The following PCGF5 variants were observed in gnomAD, a reference collection of about 807,000 sequenced individuals.
PCGF5 encodes the protein polycomb group RING finger protein 5.
In PCGF5, 9 loss-of-function variants were observed where a neutral mutation model predicts 44.3. The observed-to-expected ratio is 0.20, with a 90% CI of 0.12 to 0.35. The LOEUF (loss-of-function observed/expected upper bound fraction) is 0.35, where lower values mean the gene tolerates loss of function less well. Ranked by LOEUF, PCGF5 falls within the 10% of genes least tolerant of loss-of-function variation. The probability of loss-of-function intolerance (pLI) is 1.00; values close to 1 mark genes in which losing one functional copy is unlikely to be tolerated. For missense variants in PCGF5, 146 were observed against 305.3 expected (o/e 0.48, Z 3.89); for synonymous variants, 95 against 102.5 (o/e 0.93, Z 0.44).
intron 2 of PCGF5, among the ~76,000 whole-genome samples, chr10:91,234,775 C>A (rs1178717674): frequency 6.6e-6 from 1 of 152,126 alleles, no homozygotes; most frequent in East Asian, 1.9e-4. Context: ...CTCACAAGAA[C>A]CCTGTGAGAT....
intron 9 of PCGF5, among the ~76,000 whole-genome samples, chr10:91,275,438 A>G (rs1411139291): frequency 7.0e-6 from 1 of 143,824 alleles, no homozygotes. Context: ...AAATAAAACT[A>G]CATTTTATTT....
chr10:91,171,469 A>G (rs949594978), intron 1 of PCGF5, among the ~76,000 whole-genome samples: 1 of 152,192 alleles, frequency 6.6e-6, no homozygotes, highest in Non-Finnish European at 1.5e-5. Context: ...GCCTTAGCCT[A>G]GTGATAGGAT....
chr10:91,236,850 C>G (rs1332065366), intron 2 of PCGF5, among the ~76,000 whole-genome samples: 1 of 152,132 alleles, frequency 6.6e-6, no homozygotes, highest in Non-Finnish European at 1.5e-5. Flanking sequence ...GGAGATGTAT[C>G]TTCTAGAGAT....
At chr10:91,165,900 T>C (rs1362477937) in intron 1 of PCGF5, among the ~76,000 whole-genome samples, 1 of 152,214 alleles carries the variant, frequency 6.6e-6, no homozygotes, top group East Asian at 1.9e-4. Flanking sequence ...AGCAATATTT[T>C]CAGGACTCAG....
chr10:91,275,799 T>C (rs1312379056), intron 9 of PCGF5, among the ~76,000 whole-genome samples: 1 of 152,106 alleles, frequency 6.6e-6, no homozygotes, highest in Non-Finnish European at 1.5e-5. Flanking sequence ...ATCAAAAAGC[T>C]CTTTAAAATA....
In PCGF5 at chr10:91,251,459, T is replaced by C; in HGVS notation, c.474+19T>C. The C allele has an allele frequency of 6.2e-7, 1 of 1,605,408 alleles. No homozygotes were observed. Among genetic ancestry groups the C allele is most frequent in the Non-Finnish European group, 8.5e-7 (1 of 1,174,638 alleles). ...AGTAAAGGTGAGTGAACAAGTACTA[T>C]GGTATTTTTATGATCAGTTTATAGT... On this transcript the variant is annotated intron_variant, in intron 6 of 9. Transcript: ENST00000336126.
intron 6 of PCGF5, among the ~76,000 whole-genome samples, chr10:91,256,853 T>C (rs1845764800): frequency 1.3e-5 from 2 of 151,108 alleles, no homozygotes; most frequent in Non-Finnish European, 2.9e-5. Context: ...TCTATAGCCT[T>C]CCAAAAGGAA....
intron 3 of PCGF5, among the ~76,000 whole-genome samples, chr10:91,246,970 GATAGATAGATA>G (rs1564648049): frequency 0.21 from 317 of 1,486 alleles, 1 homozygote; most frequent in African/African-American, 0.33. Flanking sequence ...TAGATGGATA[GATAGATAGATA>G]GATAGATAGA....
At chr10:91,157,731 A>G in the PCGF5 span, among the ~76,000 whole-genome samples, 1 of 152,332 alleles carries the variant, frequency 6.6e-6, no homozygotes, top group African/African-American at 2.4e-5. Context: ...ACAGTGGGAA[A>G]TTCACTTTTA....
chr10:91,251,098 T>A (rs10559652), intron 5 of PCGF5, among the ~76,000 whole-genome samples, 194 bp from the exon 6 acceptor site: 3 of 102,264 alleles, frequency 2.9e-5, no homozygotes, highest in African/African-American at 1.1e-4. Flanking sequence ...AAGTTTCCAA[T>A]TTTTTTTTTT....
rs965669790 is a variant in PCGF5 at position 91,283,248 on chromosome 10, C to G, written c.*4932C>G. The stretch of plus-strand genomic sequence containing the variant: ...TATTTTCAAATAAAATTAAAATGCT[C>G]GAGCACTTCCTTTCAGAAAGTTATA... On this transcript the variant is annotated 3_prime_UTR_variant, in exon 10 of 10. Transcript: ENST00000336126. 6.6e-6 allele frequency: 1 copy of G among 152,110 alleles called. No homozygotes were observed. The highest frequency in any genetic ancestry group is 2.4e-5 in the African/African-American group (1 of 41,416). The allele number at this position is 152,110 out of a possible 1,614,324, so 9.4% of individuals were successfully genotyped here. A position where few individuals can be genotyped will look rare whatever the true frequency, so the allele number is the denominator to read the frequency against.
intron 4 of PCGF5, 46 bp downstream of exon 4, chr10:91,248,606 TCAA>T (rs1216128355): frequency 6.2e-7 from 1 of 1,601,412 alleles, no homozygotes; most frequent in Non-Finnish European, 8.5e-7. Flanking sequence ...TTTTATGAAA[TCAA>T]CACTTCTATT....
Position 91,214,952 on chromosome 10 carries a change from G to A in PCGF5, c.-183-7737G>A, listed in dbSNP as rs539975600. ...GTCTTTCCTTTTCTAGTAGAAATGA[G>A]TGTTCTACTTAAAATTTCATACTTC... is the stretch of plus-strand genomic sequence containing the variant. On this transcript the variant is annotated intron_variant, in intron 1 of 9. Coordinates refer to the PCGF5 transcript ENST00000614189. Among the ~76,000 whole-genome samples, 6 of 152,310 alleles carry A rather than the reference G, an allele frequency of 3.9e-5. No individual in the cohort carries two copies. The South Asian group carries it at 6.2e-4, about 16-fold the overall frequency.
chr10:91,188,142 T>C (rs1166817444), intron 1 of PCGF5, among the ~76,000 whole-genome samples: 1 of 152,014 alleles, frequency 6.6e-6, no homozygotes. Context: ...AGAAGACGGG[T>C]GATTTCTGCA....
chr10:91,216,042 G>C (rs1249997416), upstream of PCGF5, among the ~76,000 whole-genome samples: 2 of 152,198 alleles, frequency 1.3e-5, no homozygotes, highest in Non-Finnish European at 2.9e-5. Flanking sequence ...ATAAATATTT[G>C]TTTGAACACT....
chr10:91,169,258 A>C (rs1843560024), intron 1 of PCGF5, among the ~76,000 whole-genome samples: 1 of 152,214 alleles, frequency 6.6e-6, no homozygotes, highest in South Asian at 2.1e-4. Flanking sequence ...ATCATGATGC[A>C]AATAAAGAAG....
chr10:91,239,031 G>A (rs1011877730), intron 2 of PCGF5, among the ~76,000 whole-genome samples: 2 of 152,010 alleles, frequency 1.3e-5, no homozygotes, highest in Non-Finnish European at 2.9e-5. Context: ...CTGCTCAAAT[G>A]TCACCAACTT....
intron 3 of PCGF5, among the ~76,000 whole-genome samples, chr10:91,241,340 A>G (rs1246052901): frequency 6.6e-6 from 1 of 152,132 alleles, no homozygotes; most frequent in African/African-American, 2.4e-5. Context: ...AAGTGCTGGG[A>G]TAAAGGTGTG....
intron 1 of PCGF5, among the ~76,000 whole-genome samples, chr10:91,178,711 A>G (rs1392397118): frequency 3.3e-5 from 5 of 151,978 alleles, no homozygotes; most frequent in Non-Finnish European, 7.4e-5. Context: ...TTTTAAACGT[A>G]GTAGTACACT....
Sources: gnomAD v4.1 joint callset for allele counts (sites outside exome capture counted in the v4.1 genomes callset) on GRCh38, gnomAD v4.1.1 for gene constraint, MANE v1.5 for transcripts, NCBI Gene and HGNC (gene_info 2026-07-23, HGNC 2026-07-21) for gene names.